MSR1: variants seen among roughly 807,000 people sequenced by gnomAD.
MSR1 encodes the protein macrophage scavenger receptor types I and II.
MSR1 carries 53 observed loss-of-function variants against 47.2 expected under a neutral mutation model. The ratio of observed to expected loss-of-function variants is 1.12; its 90% CI spans 0.90 to 1.41. The LOEUF (loss-of-function observed/expected upper bound fraction) is 1.41, where lower values mean the gene tolerates loss of function less well. Ranked by LOEUF, MSR1 falls within the 40% of genes most tolerant of loss-of-function variation. The pLI is 0.00. For synonymous variants in MSR1, 239 were observed against 185.6 expected (o/e 1.29, Z -2.34); for missense variants, 786 against 546.9 (o/e 1.44, Z -4.36).
intron 1 of MSR1, 109 bp from the exon 2 acceptor site, chr8:16,178,101 T>TTA: frequency 4.7e-6 from 4 of 847,264 alleles, no homozygotes; most frequent in East Asian, 2.9e-5. Context: ...TATTCAGTTT[T>TTA]TCTTTTTTTT....
At chr8:16,177,836 C>G in intron 2 of MSR1, 50 bp downstream of exon 2, 3 of 1,435,800 alleles carry the variant, frequency 2.1e-6, no homozygotes, top group Non-Finnish European at 2.9e-6. Flanking sequence ...TATATTTTGT[C>G]AATAACTCTA....
At chr8:16,191,197 C>T (rs1802190522) in intron 1 of MSR1, among the ~76,000 whole-genome samples, 1 of 152,056 alleles carries the variant, frequency 6.6e-6, no homozygotes, top group African/African-American at 2.4e-5. Context: ...CTTAAGGAAC[C>T]CGTCTGTAAG....
chr8:16,148,860 G>A (rs1025389332), intron 7 of MSR1, among the ~76,000 whole-genome samples: 1 of 152,088 alleles, frequency 6.6e-6, no homozygotes, highest in Non-Finnish European at 1.5e-5. Flanking sequence ...AAAAAGAAAT[G>A]AGCAATCAGA....
intron 5 of MSR1, among the ~76,000 whole-genome samples, chr8:16,155,951 A>C (rs373004048): frequency 3.9e-5 from 6 of 151,946 alleles, no homozygotes; most frequent in East Asian, 3.9e-4. Flanking sequence ...AACAACCCTG[A>C]TTTAGCCATT....
intron 7 of MSR1, among the ~76,000 whole-genome samples, chr8:16,147,744 A>T (rs1345875510): frequency 1.3e-5 from 2 of 152,178 alleles, no homozygotes; most frequent in Non-Finnish European, 2.9e-5. Context: ...TGCTGCTGAC[A>T]TCTCTACCAG....
chr8:16,157,720 T>C (rs1801049912), intron 5 of MSR1, among the ~76,000 whole-genome samples: 1 of 151,916 alleles, frequency 6.6e-6, no homozygotes, highest in African/African-American at 2.4e-5. Flanking sequence ...CACTATCCAC[T>C]ACCTTGCCAC....
chr8:16,114,823 G>A (rs900171112), intron 9 of MSR1, among the ~76,000 whole-genome samples: 32 of 152,064 alleles, frequency 2.1e-4, no homozygotes, highest in Admixed American at 6.6e-5. Flanking sequence ...AAAAATATGT[G>A]GAGACTGTCC....
intron 8 of MSR1, among the ~76,000 whole-genome samples, chr8:16,125,941 T>C (rs1800118773): frequency 6.6e-6 from 1 of 152,002 alleles, no homozygotes; most frequent in Non-Finnish European, 1.5e-5. Context: ...CAAAATTATA[T>C]CTCTTAAAAA....
At chr8:16,188,901 A>G (rs1044290615) in intron 1 of MSR1, among the ~76,000 whole-genome samples, 5 of 150,352 alleles carry the variant, frequency 3.3e-5, no homozygotes, top group Admixed American at 6.7e-5. Flanking sequence ...TTCTTTACCC[A>G]GTCTATCACT....
At chr8:16,188,094 G>A (rs1327024280) in intron 1 of MSR1, among the ~76,000 whole-genome samples, 2 of 152,076 alleles carry the variant, frequency 1.3e-5, no homozygotes. Context: ...ATAAACGATT[G>A]TAAAATCCTT....
Position 16,164,471 on chromosome 8 carries a change from C to T in MSR1, c.631-220G>A, listed in dbSNP as rs984525907. Among the ~76,000 whole-genome samples, 2 of 151,764 alleles carry T rather than the reference C, an allele frequency of 1.3e-5. 1 individual carries two copies. The highest frequency in any genetic ancestry group is 2.9e-5 in the Non-Finnish European group (2 of 67,802). On this transcript the variant is annotated intron_variant, in intron 4 of 9. Transcript: ENST00000262101. Reference sequence around the variant, plus strand: ...TGGCTGAATGTTTACAATCACAACCCCCTTCAAAAATCAATTTAATGTATC... The same window carrying T: ...TGGCTGAATGTTTACAATCACAACCTCCTTCAAAAATCAATTTAATGTATC...
At chr8:16,173,896 G>T (rs1356976389) in intron 3 of MSR1, among the ~76,000 whole-genome samples, 1 of 152,136 alleles carries the variant, frequency 6.6e-6, no homozygotes, top group African/African-American at 2.4e-5. Flanking sequence ...TGATCTGCCC[G>T]CCTCGGCCTC....
chr8:16,189,325 C>CATATATACATAAAATCTTAT, intron 1 of MSR1, among the ~76,000 whole-genome samples: 1 of 114,140 alleles, frequency 8.8e-6, no homozygotes, highest in African/African-American at 3.8e-5. Flanking sequence ...ATCTTATTTA[C>CATATATACATAAAATCTTAT]ATTTCATATA....
At chr8:16,175,054 G>C in intron 3 of MSR1, 133 bp downstream of exon 3, 1 of 721,308 alleles carries the variant, frequency 1.4e-6, no homozygotes, top group East Asian at 2.8e-5. Flanking sequence ...TAACAAATTT[G>C]AAGGACACTT....
intron 8 of MSR1, 132 bp downstream of exon 8, chr8:16,143,426 A>G (rs1056184235): frequency 1.5e-5 from 10 of 656,152 alleles, no homozygotes; most frequent in Admixed American, 5.6e-5. Context: ...GTAGAAAATT[A>G]TGTTTGGCTT....
chr8:16,151,107 T>C (rs1009539726), intron 6 of MSR1, among the ~76,000 whole-genome samples: 2 of 152,070 alleles, frequency 1.3e-5, no homozygotes, highest in Non-Finnish European at 2.9e-5. Context: ...AGTTTAGGCA[T>C]CTTATTTTGT....
chr8:16,146,430 C>A (rs962156816), intron 7 of MSR1, among the ~76,000 whole-genome samples: 1 of 152,076 alleles, frequency 6.6e-6, no homozygotes, highest in Non-Finnish European at 1.5e-5. Flanking sequence ...CTTCCTCCTC[C>A]TCTGCATAGT....
In MSR1 at chr8:16,143,596, T is replaced by C; in HGVS notation, c.995A>G (p.Lys332Arg). 1 of 1,612,386 alleles carries C rather than the reference T, an allele frequency of 6.2e-7. No individual in the cohort carries two copies. Among genetic ancestry groups the C allele is most frequent in the Middle Eastern group, 1.7e-4 (1 of 6,046 alleles). ...YAGRPGNSGP[K>R]GQKGEKGSGN... Reference sequence around the variant, plus strand: ...ACTCCCCTTTTCCCCTTTCTGGCCTTTTGGTCCAGAATTTCCTTGAGAAAA... The same window carrying C: ...ACTCCCCTTTTCCCCTTTCTGGCCTCTTGGTCCAGAATTTCCTTGAGAAAA... The change falls in exon 8 of 10, where the codon AAA becomes AGA. Residue 332 changes from lysine to arginine, a missense_variant. Physicochemically the swap from Lys to Arg is conservative, Grantham distance 26 (BLOSUM62 2). Transcript: ENST00000262101.
intron 1 of MSR1, among the ~76,000 whole-genome samples, chr8:16,190,565 G>C (rs1210455111): frequency 6.6e-6 from 1 of 152,016 alleles, no homozygotes; most frequent in Non-Finnish European, 1.5e-5. Context: ...CATATTCACT[G>C]CTTATACATC....
Sources: gnomAD v4.1 joint callset for allele counts (sites outside exome capture counted in the v4.1 genomes callset) on GRCh38, gnomAD v4.1.1 for gene constraint, MANE v1.5 for transcripts, NCBI Gene and HGNC (gene_info 2026-07-23, HGNC 2026-07-21) for gene names.